The following CNOT4 variants were observed in gnomAD, a reference collection of about 807,000 sequenced individuals.
CNOT4 encodes the protein CCR4-NOT transcription complex subunit 4.
Under a neutral mutation model 73.8 loss-of-function variants are expected in CNOT4, and 8 were observed. The ratio of observed to expected loss-of-function variants is 0.11; its 90% confidence interval spans 0.06 to 0.20. The LOEUF (loss-of-function observed/expected upper bound fraction) is 0.20, where lower values mean the gene tolerates loss of function less well. Ranked by LOEUF, CNOT4 falls within the 10% of genes least tolerant of loss-of-function variation. The pLI is 1.00. For missense variants in CNOT4, 564 were observed against 883.4 expected (o/e 0.64, Z 4.58); for synonymous variants, 293 against 321.1 (o/e 0.91, Z 0.94).
chr7:135,486,078 A>G (rs1388073008), intron 1 of CNOT4, among the ~76,000 whole-genome samples: 1 of 152,168 alleles, frequency 6.6e-6, no homozygotes, highest in East Asian at 1.9e-4. Flanking sequence ...ACTCACCAAA[A>G]TCTCACAAAT....
At chr7:135,413,162 T>C (rs1328207164) in intron 6 of CNOT4, among the ~76,000 whole-genome samples, 1 of 152,002 alleles carries the variant, frequency 6.6e-6, no homozygotes, top group Non-Finnish European at 1.5e-5. Flanking sequence ...CCAAAGTGTT[T>C]TCCTGGTCAA....
intron 1 of CNOT4, among the ~76,000 whole-genome samples, chr7:135,448,310 C>T (rs181797491): frequency 2.0e-5 from 3 of 151,888 alleles, no homozygotes; most frequent in Non-Finnish European, 2.9e-5. Context: ...TTTGGGAGGC[C>T]GAGATGAGTG....
intron 10 of CNOT4, among the ~76,000 whole-genome samples, chr7:135,370,259 C>T (rs1795121758): frequency 6.6e-6 from 1 of 152,214 alleles, no homozygotes; most frequent in South Asian, 2.1e-4. Flanking sequence ...TGAGCAGAAA[C>T]AACCTGAACA....
chr7:135,441,619 T>A (rs1400480051), intron 1 of CNOT4, among the ~76,000 whole-genome samples: 1 of 152,192 alleles, frequency 6.6e-6, no homozygotes, highest in African/African-American at 2.4e-5. Context: ...TACCTTTGAT[T>A]CTAAGATATC....
At chr7:135,388,320 C>G (rs575023271) in intron 10 of CNOT4, 1 of 985,030 alleles carries the variant, frequency 1.0e-6, no homozygotes, top group Non-Finnish European at 1.2e-6. Context: ...TAAATGACAC[C>G]ACCAATTTTG....
At chr7:135,480,332 A>C (rs1214505902) in intron 1 of CNOT4, among the ~76,000 whole-genome samples, 2 of 152,160 alleles carry the variant, frequency 1.3e-5, no homozygotes, top group Non-Finnish European at 2.9e-5. Flanking sequence ...CTAGTCATTA[A>C]ATCTCACTTA....
Position 135,378,874 on chromosome 7 carries a change from A to T in CNOT4, c.1628-14808T>A, listed in dbSNP as rs1795672516. Reference sequence around the variant, plus strand: ...GTGGTGTGTGCATGTAGCCCCAGCTACTTGGAGGGTTGAGGTGGGAGGATC... The same window carrying T: ...GTGGTGTGTGCATGTAGCCCCAGCTTCTTGGAGGGTTGAGGTGGGAGGATC... On this transcript the variant is annotated intron_variant, in intron 10 of 11. Coordinates refer to ENST00000541284, the MANE Select transcript of CNOT4 (RefSeq NM_001190850.2). Among the ~76,000 whole-genome samples the T allele has an allele frequency of 2.6e-5, 4 of 151,928 alleles. No individual in the cohort carries two copies. The South Asian group carries it at 8.3e-4, about 32-fold the overall frequency.
intron 1 of CNOT4, among the ~76,000 whole-genome samples, chr7:135,457,674 A>C (rs1800630272): frequency 1.3e-5 from 2 of 152,120 alleles, no homozygotes; most frequent in Admixed American, 1.3e-4. Flanking sequence ...TTAAAACTCT[A>C]TTCAGACTTA....
chr7:135,447,987 G>C (rs922739796), intron 1 of CNOT4, among the ~76,000 whole-genome samples: 1 of 152,114 alleles, frequency 6.6e-6, no homozygotes, highest in Non-Finnish European at 1.5e-5. Flanking sequence ...AGAAAGCTCT[G>C]CCAAACACTG....
chr7:135,469,966 C>T (rs1289095482), intron 1 of CNOT4, among the ~76,000 whole-genome samples: 2 of 152,090 alleles, frequency 1.3e-5, no homozygotes, highest in Non-Finnish European at 2.9e-5. Context: ...GGACTAGAGG[C>T]ATGCACCACT....
chr7:135,442,289 A>C (rs1799524306), intron 1 of CNOT4, among the ~76,000 whole-genome samples: 1 of 152,206 alleles, frequency 6.6e-6, no homozygotes, highest in South Asian at 2.1e-4. Flanking sequence ...AAGCCAGACA[A>C]CTAATATTAA....
intron 3 of CNOT4, among the ~76,000 whole-genome samples, chr7:135,416,076 A>G (rs2129484263): frequency 1.3e-5 from 2 of 152,272 alleles, no homozygotes; most frequent in Middle Eastern, 3.4e-3. Flanking sequence ...ATAATTTGCA[A>G]CTACCTCAAA....
chr7:135,371,785 AT>A (rs1337368554), intron 10 of CNOT4, among the ~76,000 whole-genome samples: 1 of 152,242 alleles, frequency 6.6e-6, no homozygotes, highest in East Asian at 1.9e-4. Context: ...AAATTTGAAT[AT>A]AAAAGATACA....
intron 2 of CNOT4, among the ~76,000 whole-genome samples, chr7:135,428,381 A>C (rs954811124): frequency 1.6e-4 from 24 of 152,218 alleles, no homozygotes; most frequent in Admixed American, 1.6e-3. Flanking sequence ...ATAAGCAGAA[A>C]TATAGCCCAC....
intron 1 of CNOT4, among the ~76,000 whole-genome samples, chr7:135,457,177 C>G (rs1800590240): frequency 6.6e-6 from 1 of 151,700 alleles, no homozygotes; most frequent in Non-Finnish European, 1.5e-5. Context: ...CATTAAACCA[C>G]AAAATACTAG....
chr7:135,388,228 C>G, intron 10 of CNOT4: 9 of 985,002 alleles, frequency 9.1e-6, no homozygotes, highest in Non-Finnish European at 1.1e-5. Context: ...GAGAACAAAA[C>G]AGTTTCTACA....
intron 5 of CNOT4, 40 bp from the exon 6 acceptor site, chr7:135,413,653 G>A: frequency 1.3e-6 from 2 of 1,590,212 alleles, no homozygotes; most frequent in Non-Finnish European, 1.7e-6. Context: ...AAGACTCAAT[G>A]TGAACTGACA....
At chr7:135,383,383 G>A (rs977843865) in intron 10 of CNOT4, among the ~76,000 whole-genome samples, 3 of 250 alleles carry the variant, frequency 0.012, no homozygotes, top group Non-Finnish European at 0.025. Flanking sequence ...ACTCACTGGG[G>A]CTGCTTACTT....
chr7:135,377,215 A>T (rs1795569473), intron 10 of CNOT4, among the ~76,000 whole-genome samples: 1 of 152,236 alleles, frequency 6.6e-6, no homozygotes, highest in Admixed American at 6.5e-5. Flanking sequence ...CACATTACTA[A>T]GTGGAAGAAG....
Sources: allele counts gnomAD v4.1 joint callset (sites outside exome capture counted in the v4.1 genomes callset), GRCh38; gene constraint gnomAD v4.1.1; transcripts MANE v1.5; gene names NCBI Gene and HGNC (gene_info 2026-07-23, HGNC 2026-07-21).